Variants in WHAMM observed in about 807,000 individuals in gnomAD.
WHAMM encodes WASP homolog-associated protein with actin, membranes and microtubules.
A neutral mutation model predicts 76.5 loss-of-function variants in WHAMM; 67 were observed. That is an observed-to-expected ratio of 0.88 (90% CI 0.72 to 1.07). The LOEUF is 1.07. WHAMM is among the 50% of genes least tolerant of loss of function. The probability of loss-of-function intolerance (pLI) is 0.00; values close to 1 mark genes in which losing one functional copy is unlikely to be tolerated. For synonymous variants in WHAMM, 419 were observed against 422.1 expected (o/e 0.99, Z 0.09); for missense variants, 1,021 against 1,051.1 (o/e 0.97, Z 0.40).
chr15:82,820,296 A>C (rs1284248133), intron 5 of WHAMM, among the ~76,000 whole-genome samples: 1 of 152,204 alleles, frequency 6.6e-6, no homozygotes, highest in Non-Finnish European at 1.5e-5. Flanking sequence ...GAATAATAAA[A>C]GTATCAAAAT....
At position 82,809,949 on chromosome 15, in the gene WHAMM, C is replaced by G; in HGVS notation, c.223C>G (p.Pro75Ala). The change falls in exon 1 of 10, where the codon CCG becomes GCG. Residue 75 changes from proline to alanine, a missense_variant. Physicochemically the swap from Pro to Ala is conservative, Grantham distance 27 (BLOSUM62 -1). This residue lies in a region of WHAMM where 501 missense variants were observed against 524.9 expected (regional missense o/e 0.95). Transcript: ENST00000286760. ...GCCCAAGCCTGAGGCCGCCGTCTCC[C>G]CGTCCAGCTGGGCCGGCCTGCTCTC... ...PEPKPEAAVSPSSWAGLLSAA... is the reference protein window; with the variant it reads ...PEPKPEAAVSASSWAGLLSAA... The G allele has an allele frequency of 7.1e-7, 1 of 1,405,212 alleles. No homozygotes were observed. Among genetic ancestry groups the G allele is most frequent in the Non-Finnish European group, 9.3e-7 (1 of 1,075,838 alleles). The allele number at this position is 1,405,212 out of a possible 1,614,324, so 87.0% of individuals were successfully genotyped here.
chr15:82,830,724 C>T lies in WHAMM; in HGVS notation c.1767C>T (p.Ser589=). 6.2e-7 allele frequency: 1 copy of T among 1,613,982 alleles called. No individual in the cohort carries two copies. The highest frequency in any genetic ancestry group is 8.5e-7 in the Non-Finnish European group (1 of 1,179,898). The change falls in exon 9 of 10, where the codon TCC becomes TCT. Residue 589 remains serine (S), a synonymous_variant. Coordinates refer to ENST00000286760, the MANE Select transcript of WHAMM (RefSeq NM_001080435.3). ...ASHAVSVIHP[S]SRKTRGVPLS... ...ACGCGGTGTCAGTAATTCACCCGTC[C>T]TCTAGGAAAACTAGAGGTGTTCCCC...
At chr15:82,810,596 C>T in intron 1 of WHAMM, 7 of 985,456 alleles carry the variant, frequency 7.1e-6, no homozygotes, top group Non-Finnish European at 8.4e-6. Flanking sequence ...AGGCCCCCAA[C>T]TTTTGCCCTG....
chr15:82,833,802 C>A lies in WHAMM; in HGVS notation c.*266C>A, dbSNP rs576966532. 2.4e-6 allele frequency: 1 copy of A among 413,670 alleles called. No homozygotes were observed. The highest frequency in any genetic ancestry group is 4.4e-5 in the East Asian group (1 of 22,634). 25.6% of individuals were successfully genotyped at this position (413,670 alleles called of 1,614,324 possible). On this transcript the variant is annotated 3_prime_UTR_variant, in exon 10 of 10. Transcript: ENST00000286760. Reference sequence around the variant, plus strand: ...CTTCCCAGGCTGGGGTGCAGTGGTGCGATCTTGGCTCACTGCAAGCTCCGC... The same window carrying A: ...CTTCCCAGGCTGGGGTGCAGTGGTGAGATCTTGGCTCACTGCAAGCTCCGC...
At position 82,809,886 on chromosome 15, in the gene WHAMM, C is replaced by T; in HGVS notation, c.160C>T (p.Arg54Trp). Residue 54 changes from arginine to tryptophan, a missense_variant, in exon 1 of 10, where the codon CGG becomes TGG. Physicochemically the swap from Arg to Trp is moderately radical, Grantham distance 101. This residue lies in a region of WHAMM where 501 missense variants were observed against 524.9 expected (regional missense o/e 0.95). Transcript: ENST00000286760. ...TCHDRTAQQR[R>W]LREGARLGPE... ...TCACGACCGTACCGCGCAGCAGCGG[C>T]GGCTGCGCGAGGGGGCCCGGTTGGG... 3 of 1,555,096 alleles carry T rather than the reference C, an allele frequency of 1.9e-6. No homozygotes were observed. Among genetic ancestry groups the T allele is most frequent in the East Asian group, 2.5e-5 (1 of 40,218 alleles).
At chr15:82,822,139 G>A (rs1778741180) in intron 5 of WHAMM, among the ~76,000 whole-genome samples, 1 of 152,158 alleles carries the variant, frequency 6.6e-6, no homozygotes, top group Non-Finnish European at 1.5e-5. Flanking sequence ...GTTTGAATTT[G>A]TTACAGTAAG....
chr15:82,831,865 C>T (rs751883868), intron 9 of WHAMM, among the ~76,000 whole-genome samples: 2 of 152,200 alleles, frequency 1.3e-5, no homozygotes, highest in Admixed American at 1.3e-4. Flanking sequence ...TAAGCACCTC[C>T]ACCTAAACTG....
chr15:82,830,919 C>A lies in WHAMM; in HGVS notation c.1962C>A (p.Pro654=). 1 of 1,602,238 alleles carries A rather than the reference C, an allele frequency of 6.2e-7. No individual in the cohort carries two copies. Among genetic ancestry groups the A allele is most frequent in the Non-Finnish European group, 8.5e-7 (1 of 1,173,194 alleles). ...CACCACCACCGCCGCCACCGCCGCC[C>A]CCACCCCCTCCTCTCCGTGCTCTGT... ...PPPPPPPPPP[P]PPPPLRALSS... The change falls in exon 9 of 10, where the codon CCC becomes CCA. Residue 654 remains proline, a synonymous_variant. Coordinates refer to ENST00000286760, the MANE Select transcript of WHAMM (RefSeq NM_001080435.3).
intron 4 of WHAMM, among the ~76,000 whole-genome samples, chr15:82,818,330 A>T (rs1169275753): frequency 1.3e-5 from 2 of 152,152 alleles, no homozygotes; most frequent in Non-Finnish European, 2.9e-5. Context: ...CACACTGTGT[A>T]TACACATTAC....
At chr15:82,811,002 A>G (rs1295282985) in intron 1 of WHAMM, among the ~76,000 whole-genome samples, 2 of 152,200 alleles carry the variant, frequency 1.3e-5, no homozygotes, top group African/African-American at 4.8e-5. Context: ...ATGCCTTCTA[A>G]GTCCACACCC....
At chr15:82,815,504 T>G (rs542471622) in intron 2 of WHAMM, among the ~76,000 whole-genome samples, 8 of 152,358 alleles carry the variant, frequency 5.3e-5, no homozygotes, top group Non-Finnish European at 1.0e-4. Context: ...TTTTTGGCTA[T>G]TATGAATAAT....
chr15:82,829,705 G>T (rs79686483), intron 8 of WHAMM, among the ~76,000 whole-genome samples: 9 of 152,080 alleles, frequency 5.9e-5, no homozygotes, highest in East Asian at 3.9e-4. Flanking sequence ...TGCATGGGGG[G>T]GGTGTGTGTG....
intron 9 of WHAMM, among the ~76,000 whole-genome samples, chr15:82,831,740 G>A (rs2051035369): frequency 6.6e-6 from 1 of 152,220 alleles, no homozygotes; most frequent in Non-Finnish European, 1.5e-5. Context: ...ATTAAGTGTT[G>A]AGGAGAATGG....
chr15:82,823,057 A>G, intron 5 of WHAMM, 43 bp from the exon 6 acceptor site: 1 of 1,266,190 alleles, frequency 7.9e-7, no homozygotes, highest in Non-Finnish European at 1.0e-6. Context: ...GCATTTTTTA[A>G]AATAATAAAA....
rs1015907411 is a variant in WHAMM, at chr15:82,828,474, C to G, written c.1641+1628C>G. ...AGGAGCTGCATGAATACCAGATGAA[C>G]ACAGAGCCAGTGAGGTAGAGAGGAA... On this transcript the variant is annotated intron_variant, in intron 8 of 9. Coordinates refer to ENST00000286760, the MANE Select transcript of WHAMM (RefSeq NM_001080435.3). Among the ~76,000 whole-genome samples the G allele has an allele frequency of 7.9e-5, 12 of 152,156 alleles. No individual in the cohort carries two copies. In the South Asian group the frequency reaches 8.3e-4, roughly 11 times the overall value.
chr15:82,834,725 A>G lies in WHAMM; in HGVS notation c.*1189A>G, dbSNP rs991024887. 5.2e-5 allele frequency: 8 copies of G among 152,570 alleles called. No homozygotes were observed. Among genetic ancestry groups the G allele is most frequent in the Admixed American group, 3.9e-4 (6 of 15,286 alleles). 9.5% of individuals were successfully genotyped at this position (152,570 alleles called of 1,614,324 possible). The stretch of plus-strand genomic sequence containing the variant: ...AGCACTACATAAACTCATAATAACT[A>G]TTTGCAATGCATTAGCATCACTCAC... On this transcript the variant is annotated 3_prime_UTR_variant, in exon 10 of 10. Transcript: ENST00000286760.
At chr15:82,831,784 T>TG (rs1319053755) in intron 9 of WHAMM, among the ~76,000 whole-genome samples, 1 of 152,216 alleles carries the variant, frequency 6.6e-6, no homozygotes, top group African/African-American at 2.4e-5. Flanking sequence ...CCTACTTCTT[T>TG]GGGGGGTATG....
At chr15:82,831,476 C>T (rs2051031556) in intron 9 of WHAMM, among the ~76,000 whole-genome samples, 1 of 152,086 alleles carries the variant, frequency 6.6e-6, no homozygotes, top group Non-Finnish European at 1.5e-5. Context: ...TTTATAGAAT[C>T]CAGTTGTTGT....
chr15:82,815,881 C>G (rs1196741098), intron 2 of WHAMM, among the ~76,000 whole-genome samples: 1 of 152,178 alleles, frequency 6.6e-6, no homozygotes, highest in Non-Finnish European at 1.5e-5. Flanking sequence ...CAGTACACGT[C>G]TTAGTTCAGG....
Sources: allele counts gnomAD v4.1 joint callset (sites outside exome capture counted in the v4.1 genomes callset), GRCh38; gene constraint gnomAD v4.1.1; regional missense constraint gnomAD v4.1.1; transcripts MANE v1.5; gene names NCBI Gene and HGNC (gene_info 2026-07-23, HGNC 2026-07-21).